The following MTHFD1L variants were observed in gnomAD, a reference collection of about 807,000 sequenced individuals.
MTHFD1L encodes methylenetetrahydrofolate dehydrogenase (NADP+ dependent) 1 like.
In MTHFD1L, 81 loss-of-function variants were observed where a neutral mutation model predicts 119.5. That is an observed-to-expected ratio of 0.68 (90% CI 0.57 to 0.82). The LOEUF is 0.82. Ranked by LOEUF, MTHFD1L falls within the 40% of genes least tolerant of loss-of-function variation. The pLI is 0.00. For missense variants in MTHFD1L, 1,125 were observed against 1,253.4 expected, an observed-to-expected ratio of 0.90 and a Z score of 1.55; for synonymous variants, 430 against 475.2, an observed-to-expected ratio of 0.90 and a Z score of 1.24.
At chr6:150,880,885 G>A (rs1483126457) in intron 4 of MTHFD1L, among the ~76,000 whole-genome samples, 2 of 152,142 alleles carry the variant, frequency 1.3e-5, no homozygotes, top group Non-Finnish European at 2.9e-5. Context: ...CCATTTGTAT[G>A]TCCTTTGGGA....
intron 17 of MTHFD1L, among the ~76,000 whole-genome samples, chr6:150,958,739 T>C (rs970075493): frequency 2.6e-5 from 4 of 152,230 alleles, no homozygotes; most frequent in Non-Finnish European, 5.9e-5. Flanking sequence ...AACGTTTTCA[T>C]TGGCATCTTT....
intron 15 of MTHFD1L, among the ~76,000 whole-genome samples, 163 bp downstream of exon 15, chr6:150,945,704 G>A (rs1277412225): frequency 2.6e-5 from 4 of 152,078 alleles, no homozygotes; most frequent in African/African-American, 9.7e-5. Flanking sequence ...AGAGAGCACA[G>A]TGTTGGAAGC....
At chr6:150,869,015 T>G (rs1022980972) in intron 1 of MTHFD1L, among the ~76,000 whole-genome samples, 1 of 152,164 alleles carries the variant, frequency 6.6e-6, no homozygotes. Context: ...GAGCGGAGAT[T>G]GCGCTACTGC....
chr6:150,953,718 C>T (rs1178886050), intron 16 of MTHFD1L, among the ~76,000 whole-genome samples: 2 of 152,166 alleles, frequency 1.3e-5, no homozygotes, highest in East Asian at 1.9e-4. Context: ...TCTTGCCAGA[C>T]ATTTTTTTTT....
intron 21 of MTHFD1L, among the ~76,000 whole-genome samples, chr6:151,010,987 G>A (rs907608706): frequency 2.0e-5 from 3 of 152,152 alleles, no homozygotes; most frequent in African/African-American, 4.8e-5. Flanking sequence ...TACAGATAAG[G>A]AAGCTGAGTT....
At chr6:150,949,994 T>C (rs1555180) in intron 16 of MTHFD1L, among the ~76,000 whole-genome samples, 46,672 of 152,124 alleles carry the variant, frequency 0.31, 7,674 homozygotes, top group East Asian at 0.46. Flanking sequence ...ATTCTTCTCA[T>C]ACTTGTGCCC....
rs1784990821 is a variant in MTHFD1L, at chr6:151,029,175, C to A, written c.2587-5318C>A. Among the ~76,000 whole-genome samples, 3 of 152,042 alleles carry A rather than the reference C, an allele frequency of 2.0e-5. No homozygotes were observed. In the South Asian group the frequency reaches 6.2e-4, roughly 32 times the overall value. ...GTGGCTCACACCTGAAATCCCAGCACTTTGGGAGGCCGAGGCAGGCAGATC... is the reference window on the plus strand; with the variant it reads ...GTGGCTCACACCTGAAATCCCAGCAATTTGGGAGGCCGAGGCAGGCAGATC... On this transcript the variant is annotated intron_variant, in intron 24 of 27. Coordinates refer to ENST00000367321, the MANE Select transcript of MTHFD1L (RefSeq NM_015440.5).
chr6:150,980,731 G>GAAAGA (rs1323786909), intron 20 of MTHFD1L, among the ~76,000 whole-genome samples: 1 of 147,742 alleles, frequency 6.8e-6, no homozygotes, highest in Admixed American at 6.8e-5. Context: ...AAAAAAGAAA[G>GAAAGA]AAAGAAAAGA....
intron 8 of MTHFD1L, among the ~76,000 whole-genome samples, chr6:150,917,801 A>G (rs1788231971): frequency 6.6e-6 from 1 of 152,224 alleles, no homozygotes; most frequent in Non-Finnish European, 1.5e-5. Context: ...TTTTAATGCA[A>G]GTCTGACTCT....
intron 12 of MTHFD1L, 73 bp from the exon 13 acceptor site, chr6:150,938,626 T>A: frequency 6.6e-7 from 1 of 1,522,258 alleles, no homozygotes; most frequent in Non-Finnish European, 9.0e-7. Flanking sequence ...GGGAGCTGTG[T>A]CCCTTGGCCT....
At chr6:150,954,645 C>T (rs1034432782) in intron 16 of MTHFD1L, among the ~76,000 whole-genome samples, 19 of 151,980 alleles carry the variant, frequency 1.3e-4, no homozygotes, top group African/African-American at 4.3e-4. Flanking sequence ...GCCAAGATCA[C>T]GCCACTGCAC....
intron 20 of MTHFD1L, among the ~76,000 whole-genome samples, chr6:151,001,036 A>C (rs1211207009): frequency 1.3e-5 from 2 of 152,188 alleles, no homozygotes; most frequent in African/African-American, 4.8e-5. Flanking sequence ...AGTTAGCCAG[A>C]TACGCCCCGT....
intron 24 of MTHFD1L, among the ~76,000 whole-genome samples, 191 bp from the exon 25 acceptor site, chr6:151,034,302 C>A (rs1157994755): frequency 6.6e-6 from 1 of 151,958 alleles, no homozygotes; most frequent in African/African-American, 2.4e-5. Context: ...TGATCTATTT[C>A]TGACACTGAA....
intron 24 of MTHFD1L, among the ~76,000 whole-genome samples, chr6:151,021,053 G>A (rs1339416104): frequency 6.6e-6 from 1 of 152,152 alleles, no homozygotes; most frequent in Non-Finnish European, 1.5e-5. Flanking sequence ...AGAGCTAACA[G>A]GCTAAAGCTT....
intron 5 of MTHFD1L, among the ~76,000 whole-genome samples, chr6:150,883,895 C>A (rs77344553): frequency 0.042 from 6,348 of 152,092 alleles, 453 homozygotes; most frequent in African/African-American, 0.14. Context: ...TCCGGTAGAC[C>A]CTGCAGGGGC....
chr6:150,892,900 T>C (rs1028095800), intron 7 of MTHFD1L, among the ~76,000 whole-genome samples: 4 of 151,966 alleles, frequency 2.6e-5, no homozygotes, highest in Non-Finnish European at 5.9e-5. Flanking sequence ...CATGGTAATA[T>C]GTGGATTGTA....
intron 26 of MTHFD1L, among the ~76,000 whole-genome samples, chr6:151,038,411 A>T (rs1045302949): frequency 6.6e-6 from 1 of 150,814 alleles, no homozygotes; most frequent in African/African-American, 2.4e-5. Flanking sequence ...GAGTTGGATG[A>T]GGGGGGGTGG....
intron 7 of MTHFD1L, among the ~76,000 whole-genome samples, chr6:150,889,220 TTAAC>T (rs1782826907): frequency 6.6e-6 from 1 of 151,988 alleles, no homozygotes; most frequent in African/African-American, 2.4e-5. Flanking sequence ...TGGTGCTGAC[TTAAC>T]TAGTTATGTA....
chr6:151,010,669 T>G (rs1204885638), intron 21 of MTHFD1L, among the ~76,000 whole-genome samples: 2 of 151,970 alleles, frequency 1.3e-5, no homozygotes, highest in African/African-American at 2.4e-5. Context: ...TTTTTGGGGG[T>G]TTTTTTGTTG....
Sources: allele counts gnomAD v4.1 joint callset (sites outside exome capture counted in the v4.1 genomes callset), GRCh38; gene constraint gnomAD v4.1.1; transcripts MANE v1.5; gene names NCBI Gene and HGNC (gene_info 2026-07-23, HGNC 2026-07-21).